Variants in RBM33 observed in about 807,000 individuals in gnomAD.
RBM33 encodes the protein RNA binding motif protein 33.
Under a neutral mutation model 132.6 loss-of-function variants are expected in RBM33, and 28 were observed. The observed-to-expected ratio is 0.21, with a 90% CI of 0.16 to 0.29. RBM33 has a LOEUF of 0.29. Among genes scored for constraint, RBM33 ranks in the 10% least tolerant of loss-of-function variants. The pLI, the probability that RBM33 is intolerant of heterozygous loss-of-function variation, is 1.00. For synonymous variants in RBM33, 634 were observed against 593.0 expected (o/e 1.07, Z -1.01); for missense variants, 1,291 against 1,518.5 (o/e 0.85, Z 2.49).
chr7:155,670,344 C>T (rs115044322), intron 2 of RBM33, among the ~76,000 whole-genome samples: 1 of 152,166 alleles, frequency 6.6e-6, no homozygotes, highest in Non-Finnish European at 1.5e-5. Context: ...TGACTGCTCA[C>T]CCCTTTGAAA....
intron 1 of RBM33, among the ~76,000 whole-genome samples, chr7:155,662,703 C>T (rs1412652707): frequency 1.3e-5 from 2 of 152,136 alleles, no homozygotes; most frequent in Admixed American, 1.3e-4. Flanking sequence ...GGCAGGGGTT[C>T]TCTGGTTCCA....
intron 14 of RBM33, among the ~76,000 whole-genome samples, chr7:155,754,441 G>C (rs1801781951): frequency 6.6e-6 from 1 of 152,188 alleles, no homozygotes; most frequent in South Asian, 2.1e-4. Flanking sequence ...TCAGAGCCTG[G>C]GGCTGCACCC....
chr7:155,735,721 C>CTCTCTCTCTCTCTCTG (rs1801103920), intron 9 of RBM33, among the ~76,000 whole-genome samples: 2 of 131,490 alleles, frequency 1.5e-5, no homozygotes, highest in African/African-American at 7.4e-5. Context: ...CTCTCTCTGT[C>CTCTCTCTCTCTCTCTG]TCTCTCTCTC....
intron 3 of RBM33, among the ~76,000 whole-genome samples, chr7:155,675,176 A>G (rs1799141966): frequency 6.6e-6 from 1 of 151,872 alleles, no homozygotes; most frequent in East Asian, 1.9e-4. Flanking sequence ...GCATGGTGAC[A>G]TGAACCTGAA....
chr7:155,659,487 T>G (rs1798582200), intron 1 of RBM33, among the ~76,000 whole-genome samples: 1 of 151,744 alleles, frequency 6.6e-6, no homozygotes, highest in Admixed American at 6.6e-5. Context: ...AGTAGCAGAT[T>G]TGAGCAAGCA....
intron 13 of RBM33, among the ~76,000 whole-genome samples, chr7:155,743,624 A>C (rs1004750950): frequency 6.6e-6 from 1 of 152,094 alleles, no homozygotes; most frequent in Non-Finnish European, 1.5e-5. Flanking sequence ...AAGATCTTCT[A>C]TTTGTTTTGC....
chr7:155,745,667 C>A lies in RBM33; in HGVS notation c.2979+65C>A. On this transcript the variant is annotated intron_variant, in intron 14 of 17. Transcript: ENST00000401878. This position sits in a 1 kb window ranked among gnomAD's most constrained non-coding sequence, Gnocchi z 4.1. ...GTATCACATAGAATGTCCTCATTTG[C>A]AGAGAATGTTTTTGAAGAAAGAATT... is the stretch of plus-strand genomic sequence containing the variant. 1 of 1,379,994 alleles carries A rather than the reference C, an allele frequency of 7.2e-7. No individual in the cohort carries two copies. The highest frequency in any genetic ancestry group is 9.7e-7 in the Non-Finnish European group (1 of 1,029,304). 85.5% of individuals were successfully genotyped at this position (1,379,994 alleles called of 1,614,324 possible).
chr7:155,646,173 T>C (rs1798184489), intron 1 of RBM33, among the ~76,000 whole-genome samples: 1 of 152,222 alleles, frequency 6.6e-6, no homozygotes, highest in African/African-American at 2.4e-5. Flanking sequence ...TTTTCTCTTT[T>C]CTTTCAGTAG....
intron 5 of RBM33, among the ~76,000 whole-genome samples, chr7:155,694,547 T>G (rs1799739154): frequency 6.6e-6 from 1 of 152,226 alleles, no homozygotes; most frequent in Non-Finnish European, 1.5e-5. Context: ...ATCCCTTGGT[T>G]GATAAGGAAC....
chr7:155,731,658 A>C (rs1446325525), intron 9 of RBM33, among the ~76,000 whole-genome samples: 1 of 147,740 alleles, frequency 6.8e-6, no homozygotes, highest in East Asian at 1.9e-4. Flanking sequence ...CTACTCAGAA[A>C]GGTGTATGGT....
At position 155,774,399 on chromosome 7, in the gene RBM33, A is replaced by AGAC. The variant is rs1202152144; in HGVS notation, c.3376-159_3376-157dup. On this transcript the variant is annotated intron_variant, in intron 16 of 17. Coordinates refer to ENST00000401878, the MANE Select transcript of RBM33 (RefSeq NM_053043.3). The surrounding 1 kb of genome is among the most constrained non-coding windows in gnomAD (Gnocchi z 4.2). ...TTGGAGTAGATTATCTAGATAAGTA[A>AGAC]GACAAATTGCCAGGGAGCTAGAAAG... 6.6e-6 allele frequency among the ~76,000 whole-genome samples: 1 copy of AGAC among 152,264 alleles called. No individual in the cohort carries two copies. Among genetic ancestry groups the AGAC allele is most frequent in the Non-Finnish European group, 1.5e-5 (1 of 68,048 alleles).
At chr7:155,765,316 T>G (rs990210422) in intron 15 of RBM33, among the ~76,000 whole-genome samples, 6 of 152,212 alleles carry the variant, frequency 3.9e-5, no homozygotes, top group Admixed American at 2.6e-4. Flanking sequence ...TACTACTGAT[T>G]TCCAGCCAGG....
In RBM33 at chr7:155,647,502, C is replaced by G. The variant is rs1322582727; in HGVS notation, c.43+2583C>G. On this transcript the variant is annotated intron_variant, in intron 1 of 17. Coordinates refer to ENST00000401878, the MANE Select transcript of RBM33 (RefSeq NM_053043.3). ...CTGGAGTGCAGTCGTATAATCATGG[C>G]TAATTGCAGCCTTGGACTCCTGGGC... 2.0e-5 allele frequency among the ~76,000 whole-genome samples: 3 copies of G among 152,154 alleles called. No individual in the cohort carries two copies. In the East Asian group the frequency reaches 5.8e-4, roughly 29 times the overall value.
chr7:155,764,040 G>A lies in RBM33; in HGVS notation c.3186+22G>A, dbSNP rs776224954. On this transcript the variant is annotated intron_variant, in intron 15 of 17. Transcript: ENST00000401878. ...GAAGGTACTGCTTGTTGCCTCGCAC[G>A]CAGCCCTGGAAACGCGAAGGCCGGT... The A allele has an allele frequency of 2.6e-5, 39 of 1,491,866 alleles. No individual in the cohort carries two copies. The South Asian group carries it at 4.1e-4, about 16-fold the overall frequency. The allele number at this position is 1,491,866 out of a possible 1,614,324, so 92.4% of individuals were successfully genotyped here.
In RBM33 at chr7:155,661,146, A is replaced by ATTTTT. The variant is rs3080619; in HGVS notation, c.44-4020_44-4016dup. Among the ~76,000 whole-genome samples, 153 of 81,156 alleles carry ATTTTT rather than the reference A, an allele frequency of 1.9e-3. 6 individuals carry two copies. Among genetic ancestry groups the ATTTTT allele is most frequent in the African/African-American group, 4.0e-3 (97 of 24,074 alleles). The allele number at this position is 81,156 out of a possible 152,430, so 53.2% of individuals were successfully genotyped here. A position where few individuals can be genotyped will look rare whatever the true frequency, so the allele number is the denominator to read the frequency against. ...TGTGTGTGTGTATATATATATATAT[A>ATTTTT]TTTTTTTTTTTTTGAGACAGAGTCT... On this transcript the variant is annotated intron_variant, in intron 1 of 17. Transcript: ENST00000401878.
At chr7:155,660,192 A>G (rs887677609) in intron 1 of RBM33, among the ~76,000 whole-genome samples, 14 of 152,094 alleles carry the variant, frequency 9.2e-5, no homozygotes, top group East Asian at 1.9e-4. Flanking sequence ...TCCCACTGCA[A>G]CCTCCTGAAT....
intron 1 of RBM33, among the ~76,000 whole-genome samples, chr7:155,661,918 T>A (rs1253538688): frequency 6.6e-6 from 1 of 152,226 alleles, no homozygotes; most frequent in Non-Finnish European, 1.5e-5. Flanking sequence ...TTCTTGTTTC[T>A]TCCATATCTT....
At chr7:155,704,666 T>G (rs1800064658) in intron 6 of RBM33, among the ~76,000 whole-genome samples, 1 of 152,248 alleles carries the variant, frequency 6.6e-6, no homozygotes. Context: ...AGACTGCATT[T>G]ATTTTTAATT....
rs59345780 is a variant in RBM33 at position 155,661,097 on chromosome 7, G to GGTGT, written c.44-4047_44-4044dup. Among the ~76,000 whole-genome samples the GGTGT allele has an allele frequency of 2.2e-3, 238 of 110,152 alleles. 1 individual carries two copies. The highest frequency in any genetic ancestry group is 3.2e-3 in the Non-Finnish European group (184 of 58,344). The allele number at this position is 110,152 out of a possible 152,430, so 72.3% of individuals were successfully genotyped here. On this transcript the variant is annotated intron_variant, in intron 1 of 17. Coordinates refer to ENST00000401878, the MANE Select transcript of RBM33 (RefSeq NM_053043.3). ...AAAAATAATTTCTGTGTGTGTGTGT[G>GGTGT]GTGTGTGTGTGTGTGTGTGTGTGTG...
Sources: allele counts gnomAD v4.1 joint callset (sites outside exome capture counted in the v4.1 genomes callset), GRCh38; gene constraint gnomAD v4.1.1; non-coding constraint Gnocchi (gnomAD v3.1); transcripts MANE v1.5; gene names NCBI Gene and HGNC (gene_info 2026-07-23, HGNC 2026-07-21).